The following DIS3L2 variants were observed in gnomAD, a reference collection of about 807,000 sequenced individuals.
DIS3L2 encodes DIS3 like 3'-5' exoribonuclease 2.
DIS3L2 carries 34 observed loss-of-function variants against 97.5 expected under a neutral mutation model. The observed-to-expected ratio is 0.35, with a 90% CI of 0.27 to 0.46. The LOEUF is 0.46. Among genes scored for constraint, DIS3L2 ranks in the 20% least tolerant of loss-of-function variants. The probability of loss-of-function intolerance (pLI) is 1.00; values close to 1 mark genes in which losing one functional copy is unlikely to be tolerated. For missense variants in DIS3L2, 1,038 were observed against 1,146.0 expected, an observed-to-expected ratio of 0.91 and a Z score of 1.36; for synonymous variants, 435 against 445.2, an observed-to-expected ratio of 0.98 and a Z score of 0.29.
chr2:232,212,367 A>G (rs1692215549), intron 10 of DIS3L2, among the ~76,000 whole-genome samples: 1 of 152,182 alleles, frequency 6.6e-6, no homozygotes. Context: ...TGTTTTGTCC[A>G]TTTTCATAGT....
rs540662240 is a variant in DIS3L2, at chr2:231,981,652, T to G, written c.-94+19887T>G. Among the ~76,000 whole-genome samples, 49 of 143,156 alleles carry G rather than the reference T, an allele frequency of 3.4e-4. No individual in the cohort carries two copies. The South Asian group carries it at 5.5e-3, about 16-fold the overall frequency. 93.9% of individuals were successfully genotyped at this position (143,156 alleles called of 152,430 possible). A position where few individuals can be genotyped will look rare whatever the true frequency, so the allele number is the denominator to read the frequency against. ...TATATATATATGAGACATATTTACA[T>G]ATTATATATCATATTTATATATAAA... On this transcript the variant is annotated intron_variant, in intron 1 of 20. Transcript: ENST00000325385.
At chr2:232,225,063 C>T (rs1692607122) in intron 10 of DIS3L2, among the ~76,000 whole-genome samples, 2 of 152,054 alleles carry the variant, frequency 1.3e-5, no homozygotes, top group African/African-American at 4.8e-5. Context: ...ATTATGTTCC[C>T]ACCACAATAG....
intron 6 of DIS3L2, among the ~76,000 whole-genome samples, chr2:232,110,750 T>A (rs1697503076): frequency 1.3e-5 from 2 of 152,132 alleles, no homozygotes. Flanking sequence ...CCAATGGATG[T>A]TGGGCTTAAC....
intron 1 of DIS3L2, among the ~76,000 whole-genome samples, chr2:231,966,305 A>C (rs1043973839): frequency 6.7e-6 from 1 of 149,900 alleles, no homozygotes; most frequent in South Asian, 2.1e-4. Flanking sequence ...AGTAGCTGGG[A>C]CTACAAGCTC....
At chr2:232,077,981 CT>C (rs1297376110) in intron 5 of DIS3L2, among the ~76,000 whole-genome samples, 4 of 135,820 alleles carry the variant, frequency 2.9e-5, no homozygotes, top group Admixed American at 7.8e-5. Flanking sequence ...TTCTTTCTTT[CT>C]TTCTTTCTTT....
intron 8 of DIS3L2, among the ~76,000 whole-genome samples, chr2:232,158,306 C>CGT (rs111880090): frequency 0.06 from 9,059 of 150,478 alleles, 382 homozygotes; most frequent in South Asian, 0.16. Flanking sequence ...TCCTTTATAT[C>CGT]GTGTGTGTGT....
chr2:232,247,631 GGGGGCGGGGGGGA>G (rs1574970375), intron 11 of DIS3L2, among the ~76,000 whole-genome samples: 4 of 67,616 alleles, frequency 5.9e-5, no homozygotes, highest in South Asian at 1.2e-3. Context: ...GGGGGGGGGG[GGGGGCGGGGGGGA>G]GGGTGCCAAT....
At chr2:232,156,378 A>G (rs142599215) in intron 8 of DIS3L2, among the ~76,000 whole-genome samples, 2 of 152,116 alleles carry the variant, frequency 1.3e-5, no homozygotes, top group East Asian at 3.9e-4. Flanking sequence ...TAAAGCTTAT[A>G]TTTTTGGGAG....
chr2:232,111,650 T>C (rs1697537398), intron 6 of DIS3L2, among the ~76,000 whole-genome samples: 1 of 152,336 alleles, frequency 6.6e-6, no homozygotes, highest in South Asian at 2.1e-4. Context: ...TTTTAAATCG[T>C]ATTTAATTTT....
chr2:232,014,746 C>G, intron 1 of DIS3L2, 89 bp from the exon 2 acceptor site: 1 of 540,424 alleles, frequency 1.9e-6, no homozygotes, highest in South Asian at 3.1e-5. Context: ...CACCATGTTG[C>G]CTTTGCCATT....
At chr2:232,090,069 A>G (rs1012428974) in intron 6 of DIS3L2, among the ~76,000 whole-genome samples, 1 of 152,034 alleles carries the variant, frequency 6.6e-6, no homozygotes, top group African/African-American at 2.4e-5. Flanking sequence ...AGCTGGGACT[A>G]AAGTGTGCAC....
At chr2:232,212,106 A>G (rs1296411407) in intron 10 of DIS3L2, among the ~76,000 whole-genome samples, 4 of 152,220 alleles carry the variant, frequency 2.6e-5, no homozygotes, top group Admixed American at 6.5e-5. Flanking sequence ...TCTTTTTAAA[A>G]TCCAAAATTG....
At chr2:232,070,466 A>G (rs1439961502) in intron 5 of DIS3L2, among the ~76,000 whole-genome samples, 1 of 151,904 alleles carries the variant, frequency 6.6e-6, no homozygotes, top group Non-Finnish European at 1.5e-5. Flanking sequence ...TACTGAGAGA[A>G]CTCTAGTTGG....
chr2:232,086,349 GTATATATATGTGTATA>G (rs1559612570), intron 5 of DIS3L2, among the ~76,000 whole-genome samples: 23 of 125,256 alleles, frequency 1.8e-4, no homozygotes, highest in African/African-American at 2.7e-4. Context: ...ATACATATAT[GTATATATATGTGTATA>G]TGTATATGTA....
rs368259000 is a variant in DIS3L2 at position 232,342,198 on chromosome 2, CAT to C, written c.1582-1145_1582-1144del. Among the ~76,000 whole-genome samples, 6 of 142,558 alleles carry C rather than the reference CAT, an allele frequency of 4.2e-5. No homozygotes were observed. The East Asian group carries it at 7.8e-4, about 18-fold the overall frequency. The allele number at this position is 142,558 out of a possible 152,430, so 93.5% of individuals were successfully genotyped here. A position where few individuals can be genotyped will look rare whatever the true frequency, so the allele number is the denominator to read the frequency against. On this transcript the variant is annotated intron_variant, in intron 13 of 13. Coordinates refer to the DIS3L2 transcript ENST00000273009. ...ATATATACACGTATACATATATACA[CAT>C]ACATATATACACATATATACACATA...
At chr2:232,189,899 A>G (rs900058954) in intron 9 of DIS3L2, among the ~76,000 whole-genome samples, 1 of 152,248 alleles carries the variant, frequency 6.6e-6, no homozygotes, top group African/African-American at 2.4e-5. Context: ...AAAAGATTCT[A>G]AAAAATTTAA....
chr2:232,201,256 T>C (rs570936980), intron 9 of DIS3L2, among the ~76,000 whole-genome samples: 1 of 152,372 alleles, frequency 6.6e-6, no homozygotes, highest in African/African-American at 2.4e-5. Context: ...ATGCACATCA[T>C]CACCTGTGAA....
At chr2:232,242,104 C>G (rs1250664677) in intron 11 of DIS3L2, among the ~76,000 whole-genome samples, 1 of 152,188 alleles carries the variant, frequency 6.6e-6, no homozygotes, top group Non-Finnish European at 1.5e-5. Context: ...AACTGTGTAG[C>G]AAAGAGTTGA....
chr2:232,208,957 G>T (rs1692108658), intron 9 of DIS3L2, among the ~76,000 whole-genome samples: 1 of 151,978 alleles, frequency 6.6e-6, no homozygotes, highest in African/African-American at 2.4e-5. Context: ...GAGCTCAAGA[G>T]GTTGAGGCTG....
Sources: allele counts gnomAD v4.1 joint callset (sites outside exome capture counted in the v4.1 genomes callset), GRCh38; gene constraint gnomAD v4.1.1; transcripts MANE v1.5; gene names NCBI Gene and HGNC (gene_info 2026-07-23, HGNC 2026-07-21).